Variants in GRIK4 observed in about 807,000 individuals in gnomAD.
GRIK4 encodes the protein glutamate ionotropic receptor kainate type subunit 4, also known as glutamate receptor ionotropic, kainate 4.
A neutral mutation model predicts 104.9 loss-of-function variants in GRIK4; 40 were observed. That is an observed-to-expected ratio of 0.38 (90% CI 0.30 to 0.50). The LOEUF (loss-of-function observed/expected upper bound fraction) is 0.50. Among genes scored for constraint, GRIK4 ranks in the 20% least tolerant of loss-of-function variants. The pLI is 0.93. For synonymous variants in GRIK4, 485 were observed against 524.9 expected (o/e 0.92, Z 1.04); for missense variants, 1,047 against 1,308.1 (o/e 0.80, Z 3.08).
In GRIK4 at chr11:120,967,347, C is replaced by T. The variant is rs759431705; in HGVS notation, c.2395+24C>T. Reference sequence around the variant, plus strand: ...AGGTAAGGACGTTCAGGGCCATCCTCCTCCTGCCCTAGAGGACCAAAGTAG... The same window carrying T: ...AGGTAAGGACGTTCAGGGCCATCCTTCTCCTGCCCTAGAGGACCAAAGTAG... On this transcript the variant is annotated intron_variant, in intron 19 of 20. Coordinates refer to ENST00000527524, the MANE Select transcript of GRIK4 (RefSeq NM_014619.5). The surrounding 1 kb of genome is among the most constrained non-coding windows in gnomAD (Gnocchi z 4.2). The T allele has an allele frequency of 5.6e-6, 9 of 1,599,002 alleles. No individual in the cohort carries two copies. In the Admixed American group the frequency reaches 8.6e-5, roughly 15 times the overall value.
chr11:120,668,150 A>ATAG (rs1949951516), intron 3 of GRIK4, among the ~76,000 whole-genome samples: 1 of 142,800 alleles, frequency 7.0e-6, no homozygotes, highest in East Asian at 2.1e-4. Context: ...TAGATAGATA[A>ATAG]GTAGGTAGAT....
intron 3 of GRIK4, among the ~76,000 whole-genome samples, chr11:120,753,805 A>T (rs1316301074): frequency 6.6e-6 from 1 of 152,146 alleles, no homozygotes; most frequent in African/African-American, 2.4e-5. Context: ...AGATGAATTT[A>T]CATAACATAT....
intron 9 of GRIK4, 24 bp from the exon 10 acceptor site, chr11:120,874,042 C>G (rs140062412): frequency 6.3e-7 from 1 of 1,588,928 alleles, no homozygotes. Context: ...TCCCTCCCTC[C>G]GCCTGCTCCC....
chr11:120,559,410 C>A (rs1948217332), intron 1 of GRIK4, among the ~76,000 whole-genome samples: 2 of 152,224 alleles, frequency 1.3e-5, no homozygotes, highest in Admixed American at 1.3e-4. Context: ...CCACCAGGGA[C>A]TCCTAGTCCT....
chr11:120,675,621 A>G (rs1361813834), intron 3 of GRIK4, among the ~76,000 whole-genome samples: 1 of 152,178 alleles, frequency 6.6e-6, no homozygotes, highest in Non-Finnish European at 1.5e-5. Flanking sequence ...ATGGCATCAT[A>G]GGGTAGTGAG....
rs544069629 is a variant in GRIK4, at chr11:120,960,575, G to A, written c.1875-334G>A. 9.8e-5 allele frequency among the ~76,000 whole-genome samples: 15 copies of A among 152,338 alleles called. No homozygotes were observed. In the East Asian group the frequency reaches 2.9e-3, roughly 29 times the overall value. ...GCTCTGAACAGAGCCCTTGGAGCTG[G>A]CACCCGCAGCTCATTCACTAGCTCA... On this transcript the variant is annotated intron_variant, in intron 16 of 20. Transcript: ENST00000527524.
intron 1 of GRIK4, among the ~76,000 whole-genome samples, chr11:120,548,118 G>A (rs1414624032): frequency 6.6e-6 from 1 of 152,152 alleles, no homozygotes; most frequent in Non-Finnish European, 1.5e-5. Flanking sequence ...GACTCAGCCC[G>A]AATCAATTGC....
At chr11:120,935,945 T>C (rs547296973) in intron 13 of GRIK4, among the ~76,000 whole-genome samples, 40 of 152,306 alleles carry the variant, frequency 2.6e-4, no homozygotes, top group Non-Finnish European at 3.8e-4. Flanking sequence ...ATTTTACTTA[T>C]TTTCTTCAAA....
At chr11:120,982,063 T>TG (rs1286521982) in intron 19 of GRIK4, 43 bp from the exon 20 acceptor site, 1 of 1,233,158 alleles carries the variant, frequency 8.1e-7, no homozygotes, top group Non-Finnish European at 1.2e-6. Flanking sequence ...TGTGTCTTCC[T>TG]GATCTTTTAC....
At chr11:120,917,247 C>CAAAAAAAAAAAAAAAAAAAAAAAAAAA (rs199620498) in intron 13 of GRIK4, among the ~76,000 whole-genome samples, 1 of 34,784 alleles carries the variant, frequency 2.9e-5, no homozygotes, top group Non-Finnish European at 5.2e-5. Context: ...AACTCCGTCT[C>CAAAAAAAAAAAAAAAAAAAAAAAAAAA]AAAAAAAAAA....
At chr11:120,642,702 G>C (rs964787220) in intron 1 of GRIK4, among the ~76,000 whole-genome samples, 2 of 152,136 alleles carry the variant, frequency 1.3e-5, no homozygotes, top group Non-Finnish European at 2.9e-5. Context: ...TGCCTTCAGC[G>C]GGGCTCAGCC....
Position 120,986,007 on chromosome 11 carries a change from C to G in GRIK4, c.2618C>G (p.Pro873Arg). ...CGCGCCGCAGTCCCGCCGCCCCGGC[C>G]CCCCATCCCCGAGGAGCGCCGACCG... ...RRRAAVPPPR[P>R]PIPEERRPRG... The change falls in exon 21 of 21, where the codon CCC becomes CGC. Residue 873 changes from proline to arginine, a missense_variant. This residue lies in a region of GRIK4 where 160 missense variants were observed against 140.9 expected (regional missense o/e 1.14). Transcript: ENST00000527524. The G allele has an allele frequency of 6.5e-7, 1 of 1,529,146 alleles. No individual in the cohort carries two copies. Among genetic ancestry groups the G allele is most frequent in the Non-Finnish European group, 8.8e-7 (1 of 1,138,872 alleles). The allele number at this position is 1,529,146 out of a possible 1,614,324, so 94.7% of individuals were successfully genotyped here.
At position 120,694,912 on chromosome 11, in the gene GRIK4, G is replaced by A. The variant is rs952547183; in HGVS notation, c.82+34512G>A. The stretch of plus-strand genomic sequence containing the variant: ...CCCGTAACACTTCCCATTGGCTCCC[G>A]CAGCTTTACTTCCTCCTAGATTATC... On this transcript the variant is annotated intron_variant, in intron 3 of 20. Transcript: ENST00000527524. Among the ~76,000 whole-genome samples, 5 of 152,292 alleles carry A rather than the reference G, an allele frequency of 3.3e-5. No individual in the cohort carries two copies. The East Asian group carries it at 7.7e-4, about 24-fold the overall frequency.
chr11:120,792,564 A>C (rs753107042), intron 3 of GRIK4, among the ~76,000 whole-genome samples: 2 of 152,036 alleles, frequency 1.3e-5, no homozygotes, highest in Non-Finnish European at 2.9e-5. Flanking sequence ...AAAGGACCGA[A>C]GTAGGGTGGT....
intron 16 of GRIK4, among the ~76,000 whole-genome samples, chr11:120,958,133 C>G (rs149777407): frequency 6.6e-6 from 1 of 152,318 alleles, no homozygotes; most frequent in Non-Finnish European, 1.5e-5. Flanking sequence ...ATGTCGATCT[C>G]CTTCTCCCTG....
At chr11:120,626,464 T>C (rs1165176465) in intron 1 of GRIK4, among the ~76,000 whole-genome samples, 2 of 152,028 alleles carry the variant, frequency 1.3e-5, no homozygotes, top group African/African-American at 4.8e-5. Context: ...GCATGTCTTA[T>C]GTGTGTGGGG....
chr11:120,875,103 C>A (rs372899205), intron 10 of GRIK4, 36 bp from the exon 11 acceptor site: 4 of 1,309,980 alleles, frequency 3.1e-6, no homozygotes, highest in African/African-American at 1.4e-5. Flanking sequence ...TAACCTGGGG[C>A]CTGTTTGGTG....
chr11:120,538,160 G>A (rs115558998), intron 1 of GRIK4, among the ~76,000 whole-genome samples: 2,212 of 152,300 alleles, frequency 0.015, 39 homozygotes, highest in African/African-American at 0.049. Context: ...CCTCTGGAGC[G>A]GCACGCATCC....
chr11:120,787,710 G>A (rs1412055576), intron 3 of GRIK4, among the ~76,000 whole-genome samples: 2 of 151,780 alleles, frequency 1.3e-5, no homozygotes, highest in African/African-American at 4.8e-5. Context: ...TGATCCACCT[G>A]CCTTGGCCTC....
Sources: allele counts gnomAD v4.1 joint callset (sites outside exome capture counted in the v4.1 genomes callset), GRCh38; gene constraint gnomAD v4.1.1; regional missense constraint gnomAD v4.1.1; non-coding constraint Gnocchi (gnomAD v3.1); transcripts MANE v1.5; gene names NCBI Gene and HGNC (gene_info 2026-07-23, HGNC 2026-07-21).